P3H2: variants seen among roughly 807,000 people sequenced by gnomAD.
The protein encoded by P3H2 is leprecan-like 1.
Under a neutral mutation model 87.0 loss-of-function variants are expected in P3H2, and 80 were observed. That is an observed-to-expected ratio of 0.92 (90% CI 0.77 to 1.11). The LOEUF is 1.11. Among genes scored for constraint, P3H2 ranks in the 50% least tolerant of loss-of-function variants. P3H2 has a pLI of 0.00. For missense variants in P3H2, 1,001 were observed against 923.9 expected (o/e 1.08, Z -1.08); for synonymous variants, 367 against 359.3 (o/e 1.02, Z -0.24).
Position 190,120,645 on chromosome 3 carries a change from G to A in P3H2, c.87C>T (p.Ser29=). Residue 29 remains serine, a synonymous_variant, in exon 1 of 15, where the codon AGC becomes AGT. Transcript: ENST00000319332. ...PPPLWGGPPD[S]PRRELELEPG... is the part of the protein sequence containing the mutation. ...GCTCCAGCTCCAGCTCCCGGCGTGG[G>A]CTGTCCGGGGGGCCGCCCCACAGTG... The A allele has an allele frequency of 6.5e-7, 1 of 1,527,154 alleles. No individual in the cohort carries two copies. The allele number at this position is 1,527,154 out of a possible 1,614,324, so 94.6% of individuals were successfully genotyped here.
chr3:190,073,074 G>C (rs533574793), intron 1 of P3H2, among the ~76,000 whole-genome samples: 2 of 152,186 alleles, frequency 1.3e-5, no homozygotes, highest in African/African-American at 4.8e-5. Context: ...AGAGGTAATA[G>C]AAACAGTAGT....
intron 1 of P3H2, among the ~76,000 whole-genome samples, chr3:190,059,780 G>C (rs1726278462): frequency 6.6e-6 from 1 of 152,072 alleles, no homozygotes; most frequent in African/African-American, 2.4e-5. Flanking sequence ...TATCCTGCAA[G>C]AGCCCTAACC....
intron 1 of P3H2, among the ~76,000 whole-genome samples, chr3:190,089,992 A>C (rs1727356305): frequency 6.6e-6 from 1 of 152,072 alleles, no homozygotes; most frequent in Admixed American, 6.6e-5. Context: ...CAGTGAGGTA[A>C]AGAACTTGTG....
intron 1 of P3H2, among the ~76,000 whole-genome samples, chr3:189,998,186 A>G (rs1051290519): frequency 6.6e-6 from 1 of 151,210 alleles, no homozygotes. Flanking sequence ...CACATAATAT[A>G]AGAGGATAGA....
intron 1 of P3H2, among the ~76,000 whole-genome samples, chr3:190,031,008 T>C (rs998106063): frequency 6.6e-5 from 10 of 152,186 alleles, no homozygotes; most frequent in Admixed American, 5.9e-4. Context: ...AGTTATATAT[T>C]TTTTTAAAAA....
At chr3:190,113,598 T>C (rs1490835401) in intron 1 of P3H2, among the ~76,000 whole-genome samples, 1 of 152,202 alleles carries the variant, frequency 6.6e-6, no homozygotes, top group African/African-American at 2.4e-5. Flanking sequence ...GGTGAACCTA[T>C]CCACCTTTCA....
chr3:190,058,925 T>TC (rs1726251343), intron 1 of P3H2, among the ~76,000 whole-genome samples: 1 of 152,176 alleles, frequency 6.6e-6, no homozygotes, highest in Non-Finnish European at 1.5e-5. Flanking sequence ...CTTCCTTCTT[T>TC]CCCTGCTATC....
intron 1 of P3H2, among the ~76,000 whole-genome samples, chr3:190,108,922 G>A (rs545649541): frequency 4.0e-4 from 61 of 152,294 alleles, no homozygotes; most frequent in Non-Finnish European, 7.5e-4. Context: ...CTAGCCAGAG[G>A]AATTACTTCC....
intron 11 of P3H2, among the ~76,000 whole-genome samples, chr3:189,972,348 C>T (rs1319457844): frequency 1.3e-5 from 2 of 152,028 alleles, no homozygotes; most frequent in Non-Finnish European, 2.9e-5. Flanking sequence ...TTTAAAAAAA[C>T]AAGATTTAAT....
intron 1 of P3H2, among the ~76,000 whole-genome samples, chr3:190,034,029 C>T (rs1290792704): frequency 6.6e-6 from 1 of 152,078 alleles, no homozygotes; most frequent in Non-Finnish European, 1.5e-5. Flanking sequence ...ATTTCAAGCT[C>T]ACGTTACAGA....
intron 1 of P3H2, among the ~76,000 whole-genome samples, chr3:190,046,122 CA>C (rs62695060): frequency 0.77 from 90,761 of 117,820 alleles, 34,080 homozygotes; most frequent in East Asian, 0.87. Context: ...GACTCCATCT[CA>C]AAAAAAAAAA....
At chr3:189,966,175 G>T (rs1722999175) in intron 13 of P3H2, among the ~76,000 whole-genome samples, 1 of 141,286 alleles carries the variant, frequency 7.1e-6, no homozygotes, top group Non-Finnish European at 1.6e-5. Context: ...AAGAAAGAAA[G>T]AAAGAAAGAA....
At chr3:190,081,212 G>A (rs1488743119) in intron 1 of P3H2, among the ~76,000 whole-genome samples, 2 of 152,102 alleles carry the variant, frequency 1.3e-5, no homozygotes, top group Non-Finnish European at 2.9e-5. Context: ...ATTATGGTTC[G>A]TTTGTGTAGG....
At chr3:189,999,961 C>T (rs954062506) in intron 1 of P3H2, among the ~76,000 whole-genome samples, 10 of 152,154 alleles carry the variant, frequency 6.6e-5, no homozygotes, top group African/African-American at 2.4e-4. Flanking sequence ...AATCAACAGC[C>T]TGCTGACGTT....
At chr3:190,026,174 C>A (rs545403098) in intron 1 of P3H2, among the ~76,000 whole-genome samples, 24 of 152,176 alleles carry the variant, frequency 1.6e-4, no homozygotes, top group African/African-American at 5.5e-4. Flanking sequence ...TGAATAAATT[C>A]ATCCCTTTCT....
rs558957023 is a variant in P3H2, at chr3:189,980,562, CA to C, written c.1324+2483del. ...TGGGGGACAGAGCGAGACTCCATCT[CA>C]AAAAAAAAGAAAAAGAGATATGAAA... On this transcript the variant is annotated intron_variant, in intron 8 of 14. Coordinates refer to ENST00000319332, the MANE Select transcript of P3H2 (RefSeq NM_018192.4). Among the ~76,000 whole-genome samples the C allele has an allele frequency of 4.0e-5, 6 of 148,512 alleles. No individual in the cohort carries two copies. In the South Asian group the frequency reaches 6.4e-4, roughly 16 times the overall value.
chr3:190,022,903 T>C (rs1464960433), intron 1 of P3H2, among the ~76,000 whole-genome samples: 3 of 152,108 alleles, frequency 2.0e-5, no homozygotes, highest in East Asian at 1.9e-4. Flanking sequence ...CTCGGCTCAC[T>C]GCAAGTTCCA....
In P3H2 at chr3:190,116,663, A is replaced by G. The variant is rs1374072218; in HGVS notation, c.480+3589T>C. The G allele has an allele frequency of 3.9e-5, 6 of 152,220 alleles. No homozygotes were observed. The East Asian group carries it at 7.7e-4, about 20-fold the overall frequency. The allele number at this position is 152,220 out of a possible 1,614,324, so 9.4% of individuals were successfully genotyped here. ...CAGGCTGTGGATGCTATGGTAACCT[A>G]TTTGAGCTTTATATGGTAGCAAGAG... is the stretch of plus-strand genomic sequence containing the variant. On this transcript the variant is annotated intron_variant, in intron 1 of 14. Coordinates refer to ENST00000319332, the MANE Select transcript of P3H2 (RefSeq NM_018192.4).
rs112508075 is a variant in P3H2 at position 190,001,882 on chromosome 3, C to T, written c.481-6440G>A. On this transcript the variant is annotated intron_variant, in intron 1 of 14. Coordinates refer to ENST00000319332, the MANE Select transcript of P3H2 (RefSeq NM_018192.4). ...CTTCATAGAACCAAATAAATAAATA[C>T]ATTTCTTACAATATGAATAATATAT... 3.3e-3 allele frequency among the ~76,000 whole-genome samples: 496 copies of T among 152,204 alleles called. 3 individuals are homozygous for T. The highest frequency in any genetic ancestry group is 0.011 in the African/African-American group (453 of 41,548).
Sources: gnomAD v4.1 joint callset for allele counts (sites outside exome capture counted in the v4.1 genomes callset) on GRCh38, gnomAD v4.1.1 for gene constraint, MANE v1.5 for transcripts, NCBI Gene and HGNC (gene_info 2026-07-23, HGNC 2026-07-21) for gene names.